Variants in RBFOX1 observed in about 807,000 individuals in gnomAD.
RBFOX1 encodes RNA binding protein fox-1 homolog 1.
A neutral mutation model predicts 57.7 loss-of-function variants in RBFOX1; 8 were observed. That is an observed-to-expected ratio of 0.14 (90% confidence interval 0.08 to 0.25). The LOEUF is 0.25. Among genes scored for constraint, RBFOX1 ranks in the 10% least tolerant of loss-of-function variants. The pLI, the probability that RBFOX1 is intolerant of heterozygous loss-of-function variation, is 1.00. For missense variants in RBFOX1, 611 were observed against 548.5 expected, an observed-to-expected ratio of 1.11 and a Z score of -1.14; for synonymous variants, 326 against 222.4, an observed-to-expected ratio of 1.47 and a Z score of -4.15.
chr16:6,930,159 A>G (rs2076272215), intron 3 of RBFOX1, among the ~76,000 whole-genome samples: 1 of 152,214 alleles, frequency 6.6e-6, no homozygotes, highest in African/African-American at 2.4e-5. Context: ...TAAAGAGAAG[A>G]GAGATATTAT....
intron 3 of RBFOX1, among the ~76,000 whole-genome samples, chr16:5,725,012 G>A (rs1005191286): frequency 1.3e-5 from 2 of 152,096 alleles, no homozygotes; most frequent in Admixed American, 1.3e-4. Context: ...GTTCCTTATT[G>A]GGTGGTGAAA....
intron 4 of RBFOX1, among the ~76,000 whole-genome samples, chr16:7,397,613 ATG>A (rs1169103361): frequency 6.6e-5 from 10 of 152,206 alleles, no homozygotes. Context: ...ATACTTTTCA[ATG>A]TAACATCACA....
At position 5,614,686 on chromosome 16, in the gene RBFOX1, CT is replaced by C. The variant is rs142922527; in HGVS notation, c.318+15726del. On this transcript the variant is annotated intron_variant, in intron 3 of 19. Transcript: ENST00000641259. The stretch of plus-strand genomic sequence containing the variant: ...GTTGTCAACATTCCACCCCTACCCC[CT>C]GTACATATCTTGTACTAGCAGGAAG... Among the ~76,000 whole-genome samples, 1,171 of 152,318 alleles carry C rather than the reference CT, an allele frequency of 7.7e-3. 23 individuals are homozygous for C. The highest frequency in any genetic ancestry group is 0.027 in the African/African-American group (1,128 of 41,560).
chr16:6,727,603 A>G (rs1012013819), intron 3 of RBFOX1, among the ~76,000 whole-genome samples: 4 of 152,066 alleles, frequency 2.6e-5, no homozygotes, highest in Non-Finnish European at 5.9e-5. Context: ...TTGTGCCGCC[A>G]TACTAGGTTT....
intron 3 of RBFOX1, among the ~76,000 whole-genome samples, chr16:6,786,866 C>A (rs1249017067): frequency 6.6e-6 from 1 of 151,312 alleles, no homozygotes; most frequent in African/African-American, 2.4e-5. Flanking sequence ...TATTTCAGAC[C>A]AGAAGGAAGA....
intron 4 of RBFOX1, among the ~76,000 whole-genome samples, chr16:7,056,800 G>C (rs977050716): frequency 2.0e-5 from 3 of 152,144 alleles, no homozygotes; most frequent in South Asian, 2.1e-4. Flanking sequence ...ATGACTGCCA[G>C]ATTCTGTTCT....
intron 4 of RBFOX1, among the ~76,000 whole-genome samples, chr16:7,303,498 C>T (rs1470254595): frequency 6.6e-6 from 1 of 152,200 alleles, no homozygotes; most frequent in African/African-American, 2.4e-5. Flanking sequence ...GCGGGGCGCT[C>T]GCTCGCCTGC....
chr16:6,055,305 A>G lies in RBFOX1; in HGVS notation c.-127+35313A>G, dbSNP rs1354899427. 2.0e-5 allele frequency among the ~76,000 whole-genome samples: 3 copies of G among 152,098 alleles called. No individual in the cohort carries two copies. The East Asian group carries it at 5.8e-4, about 29-fold the overall frequency. The stretch of plus-strand genomic sequence containing the variant: ...AGGATTTGGAGATACAGAAGTGAAC[A>G]GGCATTGCTGGGCGCGGTGGCTCAC... On this transcript the variant is annotated intron_variant, in intron 1 of 15. Transcript: ENST00000550418.
At chr16:5,933,245 G>GT (rs1243395761) in intron 4 of RBFOX1, among the ~76,000 whole-genome samples, 2 of 152,308 alleles carry the variant, frequency 1.3e-5, no homozygotes, top group East Asian at 3.9e-4. Context: ...TTGTTGCGAG[G>GT]TTCCGATGTT....
intron 3 of RBFOX1, among the ~76,000 whole-genome samples, chr16:7,036,879 C>A (rs1009323206): frequency 3.3e-5 from 5 of 152,094 alleles, no homozygotes; most frequent in African/African-American, 1.2e-4. Context: ...ATGATGAGCC[C>A]CTTGGGGCTG....
chr16:5,787,272 C>T, intron 3 of RBFOX1, among the ~76,000 whole-genome samples: 1 of 152,148 alleles, frequency 6.6e-6, no homozygotes, highest in Non-Finnish European at 1.5e-5. Flanking sequence ...GATTGTGCTG[C>T]TTGGGGATCT....
At chr16:6,844,094 T>G (rs566889484) in intron 3 of RBFOX1, among the ~76,000 whole-genome samples, 1 of 150,826 alleles carries the variant, frequency 6.6e-6, no homozygotes, top group Non-Finnish European at 1.5e-5. Flanking sequence ...CCTCTCTGTC[T>G]CTAAGCCACC....
chr16:5,559,649 T>C (rs1162375820), intron 2 of RBFOX1, among the ~76,000 whole-genome samples: 1 of 152,190 alleles, frequency 6.6e-6, no homozygotes, highest in Non-Finnish European at 1.5e-5. Context: ...TTCTTGGAAG[T>C]TGCTCTATCA....
chr16:6,561,496 C>G (rs74595496), intron 2 of RBFOX1, among the ~76,000 whole-genome samples: 3,562 of 152,160 alleles, frequency 0.023, 146 homozygotes, highest in African/African-American at 0.077. Flanking sequence ...ATCAGGCTGA[C>G]TTATGGATAT....
intron 1 of RBFOX1, among the ~76,000 whole-genome samples, chr16:5,312,306 A>G (rs2064112985): frequency 6.6e-6 from 1 of 152,100 alleles, no homozygotes; most frequent in South Asian, 2.1e-4. Context: ...AACTGGGAAG[A>G]CATGTCTTTT....
chr16:6,499,758 G>C (rs918525101), intron 2 of RBFOX1, among the ~76,000 whole-genome samples: 1 of 152,026 alleles, frequency 6.6e-6, no homozygotes, highest in Non-Finnish European at 1.5e-5. Context: ...ATTTCACTTG[G>C]AATCAGAAAG....
At chr16:7,027,644 C>A (rs1011329594) in intron 3 of RBFOX1, among the ~76,000 whole-genome samples, 3 of 152,170 alleles carry the variant, frequency 2.0e-5, no homozygotes, top group East Asian at 3.9e-4. Flanking sequence ...GCCCAACTTT[C>A]ATTATTCAGC....
chr16:7,255,817 G>A (rs1399958174), intron 4 of RBFOX1, among the ~76,000 whole-genome samples: 6 of 152,058 alleles, frequency 3.9e-5, no homozygotes, highest in Non-Finnish European at 7.4e-5. Flanking sequence ...AATCTTCAAT[G>A]TACATTTTTA....
chr16:7,533,557 A>C (rs1470396303), intron 5 of RBFOX1, among the ~76,000 whole-genome samples: 2 of 152,258 alleles, frequency 1.3e-5, no homozygotes, highest in Admixed American at 6.5e-5. Context: ...CACTTAGCCT[A>C]GCACAACTTA....
Sources: gnomAD v4.1 joint callset for allele counts (sites outside exome capture counted in the v4.1 genomes callset) on GRCh38, gnomAD v4.1.1 for gene constraint, MANE v1.5 for transcripts, NCBI Gene and HGNC (gene_info 2026-07-23, HGNC 2026-07-21) for gene names.